The following PLPP5 variants were observed in gnomAD, a reference collection of about 807,000 sequenced individuals.
PLPP5 encodes the protein diacylglycerol pyrophosphate like 1.
A neutral mutation model predicts 23.6 loss-of-function variants in PLPP5; 29 were observed. The observed-to-expected ratio is 1.23, with a 90% CI of 0.92 to 1.68. The LOEUF (loss-of-function observed/expected upper bound fraction) is 1.68, where lower values mean the gene tolerates loss of function less well. Among genes scored for constraint, PLPP5 ranks in the 40% most tolerant of loss-of-function variants. PLPP5 has a pLI of 0.00. For synonymous variants in PLPP5, 143 were observed against 131.3 expected (o/e 1.09, Z -0.61); for missense variants, 315 against 332.1 (o/e 0.95, Z 0.40).
At chr8:38,268,093 G>A in intron 3 of PLPP5, 133 bp from the exon 4 acceptor site, 1 of 1,493,614 alleles carries the variant, frequency 6.7e-7, no homozygotes, top group Non-Finnish European at 8.9e-7. Flanking sequence ...AAATAATTAG[G>A]GTCCTCAGTG....
rs568650647 is a variant in PLPP5, at chr8:38,263,776, C to T, written c.*668G>A. On this transcript the variant is annotated 3_prime_UTR_variant, in exon 7 of 7. Coordinates refer to ENST00000424479, the MANE Select transcript of PLPP5 (RefSeq NM_001102559.2). The stretch of plus-strand genomic sequence containing the variant: ...ATGGAAATTAAGTTTTGATAATGAA[C>T]TCTAGCTTCTGAGACAAGGTGGGGC... 12 of 985,384 alleles carry T rather than the reference C, an allele frequency of 1.2e-5. No individual in the cohort carries two copies. The highest frequency in any genetic ancestry group is 4.7e-5 in the South Asian group (1 of 21,290). The allele number at this position is 985,384 out of a possible 1,614,324, so 61.0% of individuals were successfully genotyped here.
At chr8:38,268,163 T>C in intron 3 of PLPP5, 2 of 1,302,010 alleles carry the variant, frequency 1.5e-6, no homozygotes, top group Non-Finnish European at 2.1e-6. Context: ...GAGGTACAAA[T>C]AACCCAGTGC....
At position 38,268,411 on chromosome 8, in the gene PLPP5, G is replaced by T; in HGVS notation, c.234C>A (p.Leu78=). 6.3e-7 allele frequency: 1 copy of T among 1,577,484 alleles called. No homozygotes were observed. Among genetic ancestry groups the T allele is most frequent in the Non-Finnish European group, 8.6e-7 (1 of 1,161,610 alleles). Residue 78 remains leucine, a synonymous_variant, in exon 3 of 7, where the codon CTC becomes CTA. Transcript: ENST00000424479. The stretch of plus-strand genomic sequence containing the variant: ...TGCTGTCTCTTGTGTCTGCCTTCTT[G>T]AGAAATTTGGCCAGGAAGATCAGAG... ...PLSLIFLAKF[L]KKADTRDSRQ...
At position 38,266,177 on chromosome 8, in the gene PLPP5, G is replaced by T. The variant is rs1807552041; in HGVS notation, c.598C>A (p.Leu200Met). ...TGCTTGTAGTCACATGTGCGGGACA[G>T]TGCAATCACAGCTGCAAAAAGTAGA... The part of the protein sequence containing the change: ...SPLLFAAVIA[L>M]SRTCDYKHHW... The change falls in exon 6 of 7, where the codon CTG (leucine) becomes ATG (methionine). Residue 200 changes from leucine (L) to methionine (M), a missense_variant. By Grantham distance (15) the Leu-to-Met change is conservative (BLOSUM62 2). Transcript: ENST00000424479. The T allele has an allele frequency of 1.2e-6, 2 of 1,614,130 alleles. No individual in the cohort carries two copies. The highest frequency in any genetic ancestry group is 1.7e-6 in the Non-Finnish European group (2 of 1,179,980).
intron 4 of PLPP5, 48 bp downstream of exon 4, chr8:38,267,849 G>T (rs1368058104): frequency 6.4e-7 from 1 of 1,566,700 alleles, no homozygotes; most frequent in Admixed American, 1.7e-5. Flanking sequence ...CTGTTCTGGT[G>T]GGTAAGGGCT....
At chr8:38,268,793 A>G (rs991642500) in intron 2 of PLPP5, 89 bp downstream of exon 2, 57 of 1,446,820 alleles carry the variant, frequency 3.9e-5, no homozygotes, top group Non-Finnish European at 5.0e-5. Context: ...GTGGGTCCCT[A>G]CAAAGGCCGT....
chr8:38,268,691 C>G, intron 2 of PLPP5, 191 bp downstream of exon 2: 2 of 1,432,672 alleles, frequency 1.4e-6, no homozygotes, highest in South Asian at 1.5e-5. Context: ...TGTCTCAGCC[C>G]AAAGAGGCTC....
At chr8:38,264,803 C>T (rs539533711) in intron 6 of PLPP5, 199 bp from the exon 7 acceptor site, 9 of 1,530,158 alleles carry the variant, frequency 5.9e-6, no homozygotes, top group African/African-American at 2.8e-5. Context: ...TGTCAGGTTG[C>T]TTTCTGAACA....
intron 3 of PLPP5, 189 bp from the exon 4 acceptor site, chr8:38,268,149 T>G (rs565259001): frequency 9.6e-6 from 13 of 1,357,244 alleles, no homozygotes; most frequent in East Asian, 7.6e-5. Context: ...CCAAAGACAT[T>G]TCTGAGGTAC....
chr8:38,265,029 G>T, intron 6 of PLPP5: 2 of 971,166 alleles, frequency 2.1e-6, no homozygotes, highest in South Asian at 2.6e-5. Flanking sequence ...AGCACTTTGG[G>T]AGGACCAGGC....
intron 5 of PLPP5, 55 bp downstream of exon 5, chr8:38,267,212 T>A (rs1323071212): frequency 1.2e-6 from 2 of 1,613,394 alleles, no homozygotes; most frequent in East Asian, 4.5e-5. Flanking sequence ...GCTTTCTAGG[T>A]TAAATTCAAT....
intron 3 of PLPP5, 136 bp downstream of exon 3, chr8:38,268,235 C>T: frequency 2.8e-6 from 3 of 1,065,694 alleles, no homozygotes; most frequent in Non-Finnish European, 4.0e-6. Flanking sequence ...GTGCTATTTT[C>T]CTCTCCCGCG....
In PLPP5 at chr8:38,266,942, G is replaced by A. The variant is rs966383893; in HGVS notation, c.463+325C>T. The A allele has an allele frequency of 5.0e-6, 4 of 798,422 alleles. No homozygotes were observed. In the African/African-American group the frequency reaches 7.0e-5, roughly 14 times the overall value. The allele number at this position is 798,422 out of a possible 1,614,324, so 49.5% of individuals were successfully genotyped here. A position where few individuals can be genotyped will look rare whatever the true frequency, so the allele number is the denominator to read the frequency against. On this transcript the variant is annotated intron_variant, in intron 5 of 6. Coordinates refer to ENST00000424479, the MANE Select transcript of PLPP5 (RefSeq NM_001102559.2). The stretch of plus-strand genomic sequence containing the variant: ...ATTATTGTGAGCTATAATTAGGTAA[G>A]AAATGAAAATGCTTCAAAGTACCTG...
chr8:38,266,396 G>A lies in PLPP5; in HGVS notation c.464-85C>T, dbSNP rs563236445. ...CCACATAGGAGGCTAGGAAGCATGA[G>A]TATGTTTTTATTTATTTATTTTTTG... On this transcript the variant is annotated intron_variant, in intron 5 of 6. Transcript: ENST00000424479. 7 of 1,233,946 alleles carry A rather than the reference G, an allele frequency of 5.7e-6. No homozygotes were observed. In the African/African-American group the frequency reaches 1.1e-4, roughly 19 times the overall value. The allele number at this position is 1,233,946 out of a possible 1,614,324, so 76.4% of individuals were successfully genotyped here.
At chr8:38,266,960 AG>A in intron 5 of PLPP5, 1 of 1,020,090 alleles carries the variant, frequency 9.8e-7, no homozygotes, top group Non-Finnish European at 1.3e-6. Flanking sequence ...AATGCTTCAA[AG>A]TACCTGACAC....
At chr8:38,267,779 C>A in intron 4 of PLPP5, 118 bp downstream of exon 4, 6 of 1,072,394 alleles carry the variant, frequency 5.6e-6, no homozygotes, top group Non-Finnish European at 8.3e-6. Context: ...AAAGAAAAAT[C>A]AGAGTGAAGA....
Position 38,266,145 on chromosome 8 carries a change from C to T in PLPP5, c.630G>A (p.Trp210Ter). 6.2e-7 allele frequency: 1 copy of T among 1,613,782 alleles called. No homozygotes were observed. Among genetic ancestry groups the T allele is most frequent in the Non-Finnish European group, 8.5e-7 (1 of 1,179,802 alleles). ...TAGCCTGAGTACTTTGCTTACCTTG[C>T]CAGTGATGCTTGTAGTCACATGTGC... ...LSRTCDYKHH[W>*]QDVLVGSMIG... is the part of the protein sequence containing the mutation. The change falls in exon 6 of 7, where the codon TGG (tryptophan) becomes TGA (stop). Residue 210 changes from tryptophan (W) to a stop codon, truncating the protein, a stop_gained. Coordinates refer to ENST00000424479, the MANE Select transcript of PLPP5 (RefSeq NM_001102559.2). LOFTEE classifies it low-confidence loss of function (END_TRUNC).
chr8:38,264,842 T>A (rs1008638518), intron 6 of PLPP5: 19 of 1,594,448 alleles, frequency 1.2e-5, no homozygotes, highest in Non-Finnish European at 1.5e-5. Context: ...TAAGTAAGTA[T>A]AATAAGCTTT....
chr8:38,268,194 G>T, intron 3 of PLPP5, 177 bp downstream of exon 3: 1 of 1,115,910 alleles, frequency 9.0e-7, no homozygotes, highest in Non-Finnish European at 1.2e-6. Flanking sequence ...AGGGCTGCCT[G>T]CCGTGTAGCC....
Sources: allele counts gnomAD v4.1 joint callset, GRCh38; gene constraint gnomAD v4.1.1; transcripts MANE v1.5; gene names NCBI Gene and HGNC (gene_info 2026-07-23, HGNC 2026-07-21).